The following CGNL1 variants were observed in gnomAD, a reference collection of about 807,000 sequenced individuals.
CGNL1 encodes the protein cingulin like 1.
In CGNL1, 132 loss-of-function variants were observed where a neutral mutation model predicts 141.2. The observed-to-expected ratio is 0.93, with a 90% CI of 0.81 to 1.08. CGNL1 has a LOEUF of 1.08. CGNL1 is among the 50% of genes least tolerant of loss of function. The pLI, the probability that CGNL1 is intolerant of heterozygous loss-of-function variation, is 0.00. For missense variants in CGNL1, 1,870 were observed against 1,588.6 expected (o/e 1.18, Z -3.01); for synonymous variants, 690 against 622.1 (o/e 1.11, Z -1.63).
chr15:57,380,425 G>T (rs936062159), intron 1 of CGNL1, among the ~76,000 whole-genome samples: 1 of 152,180 alleles, frequency 6.6e-6, no homozygotes, highest in Non-Finnish European at 1.5e-5. Flanking sequence ...CCTGAGTCAG[G>T]TGGGGATGTA....
At chr15:57,545,998 G>A (rs1197848268) in intron 17 of CGNL1, 78 bp from the exon 18 acceptor site, 2 of 1,504,198 alleles carry the variant, frequency 1.3e-6, no homozygotes, top group African/African-American at 2.8e-5. Flanking sequence ...TGGGGAGATG[G>A]TGGCTGGACC....
intron 8 of CGNL1, among the ~76,000 whole-genome samples, chr15:57,491,774 T>C (rs1160534594): frequency 1.3e-5 from 2 of 152,182 alleles, no homozygotes; most frequent in African/African-American, 4.8e-5. Context: ...ACAGCATAAG[T>C]TTTGCAATGA....
rs201439890 is a variant in CGNL1 at position 57,544,564 on chromosome 15, C to G, written c.3467C>G (p.Ala1156Gly). The G allele has an allele frequency of 1.9e-6, 3 of 1,601,016 alleles. No individual in the cohort carries two copies. Among genetic ancestry groups the G allele is most frequent in the South Asian group, 2.3e-5 (2 of 88,710 alleles). The change falls in exon 16 of 19, where the codon GCG (alanine) becomes GGG (glycine). Residue 1156 changes from alanine to glycine, a missense_variant. Coordinates refer to ENST00000281282, the MANE Select transcript of CGNL1 (RefSeq NM_032866.5). ...GLVVQMEARI[A>G]ELEDRLESEE... ...GTTGTGCAGATGGAGGCCAGGATCGCGGAGCTGGAGGACCGCCTGGAGAGT... is the reference window on the plus strand; with the variant it reads ...GTTGTGCAGATGGAGGCCAGGATCGGGGAGCTGGAGGACCGCCTGGAGAGT...
At chr15:57,488,274 G>C (rs1013173442) in intron 8 of CGNL1, among the ~76,000 whole-genome samples, 4 of 151,998 alleles carry the variant, frequency 2.6e-5, no homozygotes, top group African/African-American at 9.7e-5. Context: ...AGTTGTAATG[G>C]TTCTTTATAT....
At chr15:57,464,616 C>G (rs1177406501) in intron 8 of CGNL1, among the ~76,000 whole-genome samples, 2 of 151,916 alleles carry the variant, frequency 1.3e-5, no homozygotes, top group African/African-American at 4.8e-5. Context: ...TTTGGGAACT[C>G]TAGTATTATT....
At chr15:57,466,876 G>A (rs1160268041) in intron 8 of CGNL1, among the ~76,000 whole-genome samples, 2 of 152,132 alleles carry the variant, frequency 1.3e-5, no homozygotes, top group Non-Finnish European at 2.9e-5. Context: ...GTATTTTGAT[G>A]CTGATAAAAC....
In CGNL1 at chr15:57,453,774, A is replaced by G. The variant is rs1177281013; in HGVS notation, c.2146A>G (p.Ser716Gly). 4 of 1,613,856 alleles carry G rather than the reference A, an allele frequency of 2.5e-6. No individual in the cohort carries two copies. The East Asian group carries it at 8.9e-5, about 36-fold the overall frequency. Residue 716 changes from serine (S) to glycine (G), a missense_variant, in exon 7 of 19, where the codon AGT becomes GGT. Physicochemically the swap from Ser to Gly is moderately conservative, Grantham distance 56. Transcript: ENST00000281282. The stretch of plus-strand genomic sequence containing the variant: ...CTCAGAAATGCACGATGAACTGGAC[A>G]GTGCAAAGCGATCGGAGGACAGGGA... Reference protein sequence around the residue: ...QLSEMHDELDSAKRSEDREKG... With the variant: ...QLSEMHDELDGAKRSEDREKG...
rs183500394 is a variant in CGNL1 at position 57,457,004 on chromosome 15, A to T, written c.2190+3186A>T. Among the ~76,000 whole-genome samples the T allele has an allele frequency of 2.3e-3, 351 of 152,340 alleles. 3 individuals carry two copies. The highest frequency in any genetic ancestry group is 8.4e-4 in the Non-Finnish European group (57 of 68,024). On this transcript the variant is annotated intron_variant, in intron 7 of 18. Coordinates refer to ENST00000281282, the MANE Select transcript of CGNL1 (RefSeq NM_032866.5). ...TATTGAACATTCTACAAATTTTTAT[A>T]AAAAAGGCAGCCAAAAATACCATGA... is the stretch of plus-strand genomic sequence containing the variant.
intron 1 of CGNL1, among the ~76,000 whole-genome samples, chr15:57,378,438 A>G (rs2062391139): frequency 8.1e-6 from 1 of 123,422 alleles, no homozygotes; most frequent in Admixed American, 1.1e-4. Context: ...CTGGAGTGCA[A>G]TGGTGCAATC....
chr15:57,447,102 G>A (rs1398839303), intron 4 of CGNL1, among the ~76,000 whole-genome samples: 1 of 152,054 alleles, frequency 6.6e-6, no homozygotes, highest in East Asian at 1.9e-4. Context: ...GATAAATTTG[G>A]TGGAACTGAC....
chr15:57,445,074 C>T (rs1233163340), intron 4 of CGNL1, among the ~76,000 whole-genome samples: 2 of 151,994 alleles, frequency 1.3e-5, no homozygotes, highest in Non-Finnish European at 2.9e-5. Context: ...CCAGCCTGGG[C>T]AATGTAGTGA....
chr15:57,466,542 C>A (rs1357604928), intron 8 of CGNL1, among the ~76,000 whole-genome samples: 1 of 152,144 alleles, frequency 6.6e-6, no homozygotes, highest in Non-Finnish European at 1.5e-5. Context: ...TTCTAGAGAC[C>A]TGGTATTGTT....
intron 8 of CGNL1, among the ~76,000 whole-genome samples, chr15:57,466,230 T>C (rs2063509967): frequency 6.6e-6 from 1 of 152,242 alleles, no homozygotes; most frequent in African/African-American, 2.4e-5. Flanking sequence ...CTGGTCATTT[T>C]ACACTTTTTT....
At chr15:57,492,643 T>TCCTTTTTCACTC (rs1173260892) in intron 8 of CGNL1, among the ~76,000 whole-genome samples, 1,662 of 152,144 alleles carry the variant, frequency 0.011, 34 homozygotes, top group African/African-American at 0.037. Context: ...TCCTGAGACT[T>TCCTTTTTCACTC]CTGGCAAAGT....
chr15:57,530,146 C>T (rs1250050268), intron 13 of CGNL1, among the ~76,000 whole-genome samples: 1 of 152,226 alleles, frequency 6.6e-6, no homozygotes. Flanking sequence ...AACACTCCTG[C>T]TGGGTTCTGT....
intron 13 of CGNL1, among the ~76,000 whole-genome samples, chr15:57,531,025 T>A (rs187718716): frequency 6.6e-6 from 1 of 152,306 alleles, no homozygotes; most frequent in East Asian, 1.9e-4. Flanking sequence ...GGGTGGTTTG[T>A]GTTAGAAGCC....
intron 8 of CGNL1, among the ~76,000 whole-genome samples, chr15:57,513,545 A>T (rs1403985987): frequency 6.6e-6 from 1 of 151,832 alleles, no homozygotes; most frequent in Non-Finnish European, 1.5e-5. Context: ...TTTGAGATGG[A>T]GTCTCACTCT....
At chr15:57,407,389 A>C (rs890210289) in intron 1 of CGNL1, 4 of 152,206 alleles carry the variant, frequency 2.6e-5, no homozygotes, top group African/African-American at 9.6e-5. Context: ...TGCCAGGCAC[A>C]GTGGCTCATG....
At position 57,518,514 on chromosome 15, in the gene CGNL1, G is replaced by A. The variant is rs1177396325; in HGVS notation, c.2715+17G>A. On this transcript the variant is annotated intron_variant, in intron 10 of 18. Coordinates refer to ENST00000281282, the MANE Select transcript of CGNL1 (RefSeq NM_032866.5). Reference sequence around the variant, plus strand: ...GCTGCTCAGGTAAACACCAAGGGCTGTTGTCATTACTCCCTCAAGAAGAAT... The same window carrying A: ...GCTGCTCAGGTAAACACCAAGGGCTATTGTCATTACTCCCTCAAGAAGAAT... 6 of 1,544,762 alleles carry A rather than the reference G, an allele frequency of 3.9e-6. No homozygotes were observed. Among genetic ancestry groups the A allele is most frequent in the East Asian group, 4.6e-5 (2 of 43,920 alleles).
Sources: gnomAD v4.1 joint callset for allele counts (sites outside exome capture counted in the v4.1 genomes callset) on GRCh38, gnomAD v4.1.1 for gene constraint, MANE v1.5 for transcripts, NCBI Gene and HGNC (gene_info 2026-07-23, HGNC 2026-07-21) for gene names.